The following METTL15 variants were observed in gnomAD, a reference collection of about 807,000 sequenced individuals.
The protein encoded by METTL15 is methyltransferase 15, mitochondrial 12S rRNA N4-cytidine.
METTL15 carries 34 observed loss-of-function variants against 38.3 expected under a neutral mutation model. That is an observed-to-expected ratio of 0.89 (90% CI 0.68 to 1.18). METTL15 has a LOEUF of 1.18. Among genes scored for constraint, METTL15 ranks in the 50% most tolerant of loss-of-function variants. METTL15 has a pLI of 0.00. For missense variants in METTL15, 438 were observed against 498.4 expected (o/e 0.88, Z 1.15); for synonymous variants, 162 against 170.9 (o/e 0.95, Z 0.41).
intron 3 of METTL15, among the ~76,000 whole-genome samples, chr11:28,135,178 A>C (rs999137711): frequency 1.3e-5 from 2 of 152,234 alleles, no homozygotes; most frequent in African/African-American, 4.8e-5. Context: ...TTCTTTCTTC[A>C]GTCCTCATTT....
chr11:28,474,226 AT>A (rs1288713749), intron 6 of METTL15, among the ~76,000 whole-genome samples: 1 of 151,720 alleles, frequency 6.6e-6, no homozygotes, highest in Non-Finnish European at 1.5e-5. Context: ...AAATATGTCT[AT>A]ATAACAGAAA....
chr11:28,324,259 G>A (rs1849561906), intron 6 of METTL15, among the ~76,000 whole-genome samples: 1 of 152,130 alleles, frequency 6.6e-6, no homozygotes, highest in Non-Finnish European at 1.5e-5. Flanking sequence ...AATCTTTGGG[G>A]AAAAACTTGA....
Position 28,270,146 on chromosome 11 carries a change from T to A in METTL15, c.408-20060T>A, listed in dbSNP as rs148364814. The stretch of plus-strand genomic sequence containing the variant: ...TAGTAATCCTCACATATTGTTGAAT[T>A]ATTTTTCTTTGGAAAATTCAAATTT... On this transcript the variant is annotated intron_variant, in intron 4 of 6. Transcript: ENST00000407364. Among the ~76,000 whole-genome samples, 95 of 152,330 alleles carry A rather than the reference T, an allele frequency of 6.2e-4. 1 individual carries two copies. The highest frequency in any genetic ancestry group is 2.2e-3 in the African/African-American group (91 of 41,590).
rs148712437 is a variant in METTL15 at position 28,114,835 on chromosome 11, T to C, written c.270+1231T>C. ...GTGGAATTCCTCTAGGCTTAACTTT[T>C]TGAGGCTGTGACAAACTGTTTCTCA... On this transcript the variant is annotated intron_variant, in intron 3 of 6. Coordinates refer to ENST00000407364, the MANE Select transcript of METTL15 (RefSeq NM_001113528.2). Among the ~76,000 whole-genome samples the C allele has an allele frequency of 9.1e-4, 138 of 152,350 alleles. 1 individual carries two copies. The highest frequency in any genetic ancestry group is 3.3e-3 in the African/African-American group (137 of 41,590).
intron 6 of METTL15, among the ~76,000 whole-genome samples, chr11:28,472,618 A>T (rs1024113993): frequency 1.3e-5 from 2 of 152,190 alleles, no homozygotes; most frequent in Non-Finnish European, 2.9e-5. Context: ...TCAGGCCTGT[A>T]ATGATAATAA....
intron 5 of METTL15, among the ~76,000 whole-genome samples, chr11:28,370,660 A>G (rs982009188): frequency 9.2e-5 from 14 of 152,032 alleles, no homozygotes; most frequent in Non-Finnish European, 1.5e-4. Context: ...GTGTTAATTT[A>G]CATACTCACC....
chr11:28,145,088 G>C (rs1849833420), intron 3 of METTL15: 1 of 157,708 alleles, frequency 6.3e-6, no homozygotes, highest in Non-Finnish European at 1.4e-5. Flanking sequence ...GGAGTTGGAG[G>C]AGTTAGCTCA....
At chr11:28,115,163 A>G (rs1379862227) in intron 3 of METTL15, among the ~76,000 whole-genome samples, 1 of 152,196 alleles carries the variant, frequency 6.6e-6, no homozygotes. Context: ...TCCATGTATA[A>G]CTTTTGATTC....
chr11:28,488,455 A>G (rs950876287), intron 6 of METTL15, among the ~76,000 whole-genome samples: 2 of 152,202 alleles, frequency 1.3e-5, no homozygotes, highest in Non-Finnish European at 2.9e-5. Context: ...CTCATCTGGA[A>G]TTAATTTAAA....
At chr11:28,266,059 A>G (rs1045187408) in intron 4 of METTL15, among the ~76,000 whole-genome samples, 3 of 152,138 alleles carry the variant, frequency 2.0e-5, no homozygotes, top group African/African-American at 7.2e-5. Context: ...TCAGGAAACA[A>G]CAGGTGCTGG....
At chr11:28,445,726 A>C (rs1266054805) in intron 6 of METTL15, among the ~76,000 whole-genome samples, 1 of 152,072 alleles carries the variant, frequency 6.6e-6, no homozygotes, top group Non-Finnish European at 1.5e-5. Flanking sequence ...ATCGCGACTC[A>C]CTGCAGCCTC....
At chr11:28,454,875 G>A (rs150964146) in intron 6 of METTL15, among the ~76,000 whole-genome samples, 158 of 152,286 alleles carry the variant, frequency 1.0e-3, no homozygotes, top group Admixed American at 4.1e-3. Context: ...GACTCTAAAG[G>A]TTTGGAAAGC....
intron 6 of METTL15, among the ~76,000 whole-genome samples, chr11:28,427,285 T>C (rs1362725490): frequency 6.6e-6 from 1 of 152,194 alleles, no homozygotes; most frequent in Non-Finnish European, 1.5e-5. Context: ...TCTGTTCCCT[T>C]GGTCTATGTG....
intron 3 of METTL15, among the ~76,000 whole-genome samples, chr11:28,191,130 A>G (rs1851684935): frequency 6.6e-6 from 1 of 151,444 alleles, no homozygotes; most frequent in Admixed American, 6.6e-5. Flanking sequence ...TGGAACTGGC[A>G]TGAATGATTT....
chr11:28,472,446 G>T (rs537751266), intron 6 of METTL15, among the ~76,000 whole-genome samples: 1 of 152,226 alleles, frequency 6.6e-6, no homozygotes, highest in African/African-American at 2.4e-5. Context: ...TCTACCTAAG[G>T]TATTACAGGG....
chr11:28,489,955 TC>T (rs1851480255), intron 6 of METTL15, among the ~76,000 whole-genome samples: 1 of 152,080 alleles, frequency 6.6e-6, no homozygotes, highest in African/African-American at 2.4e-5. Context: ...CTGACCCTGT[TC>T]CTGCGTTTTC....
At chr11:28,393,031 G>A (rs1177778235) in intron 5 of METTL15, among the ~76,000 whole-genome samples, 1 of 152,050 alleles carries the variant, frequency 6.6e-6, no homozygotes, top group African/African-American at 2.4e-5. Context: ...CAGTGCTATT[G>A]GCAAGGATGT....
chr11:28,315,240 G>A (rs923454290), intron 6 of METTL15, among the ~76,000 whole-genome samples: 3 of 152,152 alleles, frequency 2.0e-5, no homozygotes, highest in Non-Finnish European at 2.9e-5. Flanking sequence ...CGCTGATTGA[G>A]ATATGGATAA....
At chr11:28,171,140 T>G (rs912326073) in intron 3 of METTL15, among the ~76,000 whole-genome samples, 1 of 152,190 alleles carries the variant, frequency 6.6e-6, no homozygotes. Flanking sequence ...ATCTTTGTTC[T>G]TGGGAATTTA....
Sources: gnomAD v4.1 joint callset for allele counts (sites outside exome capture counted in the v4.1 genomes callset) on GRCh38, gnomAD v4.1.1 for gene constraint, MANE v1.5 for transcripts, NCBI Gene and HGNC (gene_info 2026-07-23, HGNC 2026-07-21) for gene names.